NUP188: variants seen among roughly 807,000 people sequenced by gnomAD.
The protein encoded by NUP188 is nucleoporin 188.
A neutral mutation model predicts 223.0 loss-of-function variants in NUP188; 97 were observed. The ratio of observed to expected loss-of-function variants is 0.43; its 90% CI spans 0.37 to 0.51. The LOEUF is 0.51. Ranked by LOEUF, NUP188 falls within the 20% of genes least tolerant of loss-of-function variation. The probability of loss-of-function intolerance (pLI) is 0.00; values close to 1 mark genes in which losing one functional copy is unlikely to be tolerated. For missense variants in NUP188, 1,947 were observed against 2,175.6 expected, an observed-to-expected ratio of 0.89 and a Z score of 2.09; for synonymous variants, 869 against 828.0, an observed-to-expected ratio of 1.05 and a Z score of -0.85.
Position 129,006,581 on chromosome 9 carries a change from C to A in NUP188, c.5153C>A (p.Pro1718Gln), listed in dbSNP as rs564506539. 2 of 1,614,218 alleles carry A rather than the reference C, an allele frequency of 1.2e-6. No individual in the cohort carries two copies. Among genetic ancestry groups the A allele is most frequent in the African/African-American group, 1.3e-5 (1 of 75,052 alleles). ...CCTGCCACTGGTGTCCTCCCCTCGC[C>A]GCAGGGCAAGTCCACCTCTCTCTCC... ...SSPATGVLPS[P>Q]QGKSTSLSKA... Residue 1718 changes from proline (P) to glutamine (Q), a missense_variant, in exon 44 of 44, where the codon CCG (proline) becomes CAG (glutamine). Physicochemically the swap from Pro to Gln is moderately conservative, Grantham distance 76 (BLOSUM62 -1). Coordinates refer to ENST00000372577, the MANE Select transcript of NUP188 (RefSeq NM_015354.3).
chr9:128,954,246 G>A (rs868016838), intron 3 of NUP188, among the ~76,000 whole-genome samples: 27 of 150,962 alleles, frequency 1.8e-4, no homozygotes, highest in South Asian at 6.3e-4. Context: ...ATGGAGTCTC[G>A]CTTTGTGGCC....
rs938340774 is a variant in NUP188, at chr9:129,006,133, C to T, written c.4943+10C>T. ...GGACCAGGACGTTAAAGTAAGTGCTCTTTCTGGGATTTGATAAGGGGCTGG... is the reference window on the plus strand; with the variant it reads ...GGACCAGGACGTTAAAGTAAGTGCTTTTTCTGGGATTTGATAAGGGGCTGG... On this transcript the variant is annotated intron_variant, in intron 42 of 43. Transcript: ENST00000372577. The T allele has an allele frequency of 5.0e-6, 8 of 1,614,014 alleles. No individual in the cohort carries two copies. Among genetic ancestry groups the T allele is most frequent in the East Asian group, 2.2e-5 (1 of 44,890 alleles).
chr9:128,997,337 T>C (rs1446788682), intron 30 of NUP188, among the ~76,000 whole-genome samples: 1 of 152,184 alleles, frequency 6.6e-6, no homozygotes, highest in Non-Finnish European at 1.5e-5. Context: ...TTGGACCATG[T>C]TGAAGAGCTT....
chr9:128,973,272 GC>G, intron 12 of NUP188, 23 bp downstream of exon 12: 1 of 1,579,302 alleles, frequency 6.3e-7, no homozygotes, highest in Non-Finnish European at 8.7e-7. Context: ...CTTTCATGAA[GC>G]TGTCTCTACT....
At chr9:128,987,827 T>C in intron 23 of NUP188, 110 bp downstream of exon 23, 1 of 1,425,726 alleles carries the variant, frequency 7.0e-7, no homozygotes, top group Non-Finnish European at 9.6e-7. Context: ...GACATTGTTC[T>C]TCCTAGGACA....
At chr9:128,986,930 TTTGCTG>T in intron 22 of NUP188, 55 bp downstream of exon 22, 7 of 1,515,986 alleles carry the variant, frequency 4.6e-6, no homozygotes, top group Non-Finnish European at 6.4e-6. Flanking sequence ...GACACGGGCT[TTTGCTG>T]TGCAAAGCCG....
intron 25 of NUP188, among the ~76,000 whole-genome samples, chr9:128,992,628 TC>T (rs1842452553): frequency 6.6e-6 from 1 of 151,592 alleles, no homozygotes; most frequent in South Asian, 2.1e-4. Flanking sequence ...AATTTGGACT[TC>T]CTTCATTCTT....
chr9:128,981,005 G>GTGGTACAGAGTAAATGTCAT (rs1842246392), intron 14 of NUP188, among the ~76,000 whole-genome samples: 1 of 152,182 alleles, frequency 6.6e-6, no homozygotes, highest in Admixed American at 6.6e-5. Flanking sequence ...TAAGAGCCAG[G>GTGGTACAGAGTAAATGTCAT]TGGTACAGAG....
chr9:128,994,645 T>G (rs1447748711), intron 28 of NUP188, among the ~76,000 whole-genome samples: 1 of 152,206 alleles, frequency 6.6e-6, no homozygotes, highest in Non-Finnish European at 1.5e-5. Flanking sequence ...TTTGCGCTAC[T>G]GTGTGTTGGT....
rs764470697 is a variant in NUP188, at chr9:129,002,851, C to A, written c.4172C>A (p.Pro1391His). 2 of 1,614,076 alleles carry A rather than the reference C, an allele frequency of 1.2e-6. No individual in the cohort carries two copies. Among genetic ancestry groups the A allele is most frequent in the South Asian group, 1.1e-5 (1 of 91,084 alleles). Residue 1391 changes from proline (P) to histidine (H), a missense_variant, in exon 37 of 44, where the codon CCC becomes CAC. By Grantham distance (77) the Pro-to-His change is moderately conservative. Around this residue, in one of 3 missense-constraint regions of NUP188, gnomAD observed 905 missense variants for 990.6 expected, o/e 0.91. Coordinates refer to ENST00000372577, the MANE Select transcript of NUP188 (RefSeq NM_015354.3). ...PSASRKSLDA[P>H]SWPGVYRLSM... Reference sequence around the variant, plus strand: ...GCCTCTCGGAAGTCCCTGGATGCCCCCTCTTGGCCAGGAGTCTACCGCCTG... The same window carrying A: ...GCCTCTCGGAAGTCCCTGGATGCCCACTCTTGGCCAGGAGTCTACCGCCTG...
At chr9:128,969,319 G>A (rs566319753) in intron 9 of NUP188, 81 bp from the exon 10 acceptor site, 179 of 829,982 alleles carry the variant, frequency 2.2e-4, no homozygotes, top group Non-Finnish European at 2.9e-4. Flanking sequence ...TTTTGATATC[G>A]CAGTGTCTTA....
At chr9:128,968,164 G>A (rs989924239) in intron 8 of NUP188, among the ~76,000 whole-genome samples, 2 of 152,070 alleles carry the variant, frequency 1.3e-5, no homozygotes, top group African/African-American at 2.4e-5. Flanking sequence ...TACTCGAGAG[G>A]CTCAGGTGAG....
At chr9:128,960,704 C>T (rs909600002) in intron 8 of NUP188, among the ~76,000 whole-genome samples, 5 of 152,078 alleles carry the variant, frequency 3.3e-5, no homozygotes, top group African/African-American at 4.8e-5. Context: ...AATCCTAGCA[C>T]GGTGGGAGGC....
chr9:128,957,977 A>T (rs1482036933), intron 5 of NUP188, 33 bp from the exon 6 acceptor site: 1 of 1,574,504 alleles, frequency 6.4e-7, no homozygotes, highest in Admixed American at 1.8e-5. Flanking sequence ...TGCCTAAAAG[A>T]TGGCCTCTTA....
Position 128,982,697 on chromosome 9 carries a change from T to G in NUP188, c.1665T>G (p.Thr555=), listed in dbSNP as rs1292767229. 9 of 1,613,716 alleles carry G rather than the reference T, an allele frequency of 5.6e-6. No homozygotes were observed. Among genetic ancestry groups the G allele is most frequent in the Non-Finnish European group, 7.6e-6 (9 of 1,179,970 alleles). ...EIEMLLHVVS[T]ADVIQHCQRV... is the part of the protein sequence containing the mutation. ...AAATGTTGCTTCATGTTGTTTCAAC[T>G]GCAGGTAAGGTCAGCTTTCGGAAAC... Residue 555 remains threonine (T), a synonymous_variant, in exon 16 of 44, where the codon ACT becomes ACG. Coordinates refer to ENST00000372577, the MANE Select transcript of NUP188 (RefSeq NM_015354.3).
chr9:128,982,861 G>A, intron 16 of NUP188, 41 bp from the exon 17 acceptor site: 1 of 1,612,538 alleles, frequency 6.2e-7, no homozygotes, highest in Non-Finnish European at 8.5e-7. Flanking sequence ...GATCTTAAAG[G>A]GGTTGTTTGC....
intron 33 of NUP188, 118 bp from the exon 34 acceptor site, chr9:128,999,506 A>C: frequency 8.4e-7 from 1 of 1,197,304 alleles, no homozygotes; most frequent in Non-Finnish European, 1.2e-6. Context: ...CACTGGACAG[A>C]TGCTGTCCCT....
In NUP188 at chr9:128,998,749, G is replaced by A; in HGVS notation, c.3515+126G>A. ...GTTTTCCATCTTGAGGAATGGGAGT[G>A]ACATAGCAGATAGGAGGGTGAGGCA... On this transcript the variant is annotated intron_variant, in intron 32 of 43. Transcript: ENST00000372577. 3 of 735,082 alleles carry A rather than the reference G, an allele frequency of 4.1e-6. No individual in the cohort carries two copies. In the South Asian group the frequency reaches 4.7e-5, roughly 12 times the overall value. 45.5% of individuals were successfully genotyped at this position (735,082 alleles called of 1,614,324 possible).
Position 128,964,958 on chromosome 9 carries a change from G to C in NUP188, c.586-3548G>C, listed in dbSNP as rs953841658. On this transcript the variant is annotated intron_variant, in intron 8 of 43. Transcript: ENST00000372577. ...TGACCTCAGGTCATCCACCCGTCTC[G>C]GCCTCCCAGAGTGCTAGGATTACAG... 5.3e-5 allele frequency among the ~76,000 whole-genome samples: 8 copies of C among 151,800 alleles called. No individual in the cohort carries two copies. The East Asian group carries it at 1.6e-3, about 30-fold the overall frequency.
Sources: gnomAD v4.1 joint callset for allele counts (sites outside exome capture counted in the v4.1 genomes callset) on GRCh38, gnomAD v4.1.1 for gene constraint, gnomAD v4.1.1 regional missense constraint, MANE v1.5 for transcripts, NCBI Gene and HGNC (gene_info 2026-07-23, HGNC 2026-07-21) for gene names.